The following POLR3B variants were observed in gnomAD, a reference collection of about 807,000 sequenced individuals.
POLR3B encodes the protein RNA polymerase III subunit B, also known as DNA-directed RNA polymerase III subunit RPC2.
In POLR3B, 96 loss-of-function variants were observed where a neutral mutation model predicts 147.4. That is an observed-to-expected ratio of 0.65 (90% confidence interval 0.55 to 0.77). POLR3B has a LOEUF of 0.77. Ranked by LOEUF, POLR3B falls within the 30% of genes least tolerant of loss-of-function variation. The pLI is 0.00. For synonymous variants in POLR3B, 461 were observed against 485.9 expected, an observed-to-expected ratio of 0.95 and a Z score of 0.67; for missense variants, 1,036 against 1,413.5, an observed-to-expected ratio of 0.73 and a Z score of 4.28.
At chr12:106,507,116 T>C (rs2038700450) in intron 27 of POLR3B, among the ~76,000 whole-genome samples, 1 of 152,084 alleles carries the variant, frequency 6.6e-6, no homozygotes, top group Non-Finnish European at 1.5e-5. Context: ...AAAGGAAGAC[T>C]TCAGGAAGAA....
Position 106,366,668 on chromosome 12 carries a change from T to A in POLR3B, c.173T>A (p.Ile58Lys). The change falls in exon 4 of 28, where the codon ATA (isoleucine) becomes AAA (lysine). Residue 58 changes from isoleucine (I) to lysine (K), a missense_variant. By Grantham distance (102) the Ile-to-Lys change is moderately radical (BLOSUM62 -3). This residue lies in a region of POLR3B where 150 missense variants were observed against 145.5 expected (regional missense o/e 1.03). Coordinates refer to ENST00000228347, the MANE Select transcript of POLR3B (RefSeq NM_018082.6). ...CATTTTCCACTGCAGATAAAGAAGA[T>A]AATGAAAGCCAATGAAAAGGTTACA... is the stretch of plus-strand genomic sequence containing the variant. ...NYFINVEIKK[I>K]MKANEKVTSD... The A allele has an allele frequency of 6.2e-7, 1 of 1,613,660 alleles. No homozygotes were observed. Among genetic ancestry groups the A allele is most frequent in the Non-Finnish European group, 8.5e-7 (1 of 1,179,582 alleles).
At chr12:106,360,223 A>T (rs550480540) in intron 1 of POLR3B, among the ~76,000 whole-genome samples, 1 of 152,222 alleles carries the variant, frequency 6.6e-6, no homozygotes, top group Non-Finnish European at 1.5e-5. Flanking sequence ...ACACACAAAC[A>T]TGGTTATGTT....
chr12:106,496,092 A>G lies in POLR3B; in HGVS notation c.2751A>G (p.Pro917=), dbSNP rs745477859. 3 of 1,613,166 alleles carry G rather than the reference A, an allele frequency of 1.9e-6. No homozygotes were observed. The South Asian group carries it at 3.3e-5, about 18-fold the overall frequency. ...TGATCGTCCCCCAGGAAGACATGCC[A>G]TTTTGTGATTCTGGCATCTGTCCGG... is the stretch of plus-strand genomic sequence containing the variant. ...CGLIVPQEDM[P]FCDSGICPDI... is the part of the protein sequence containing the mutation. The change falls in exon 24 of 28, where the codon CCA becomes CCG. Residue 917 remains proline, a synonymous_variant. Transcript: ENST00000228347.
chr12:106,432,578 A>G, intron 15 of POLR3B, 98 bp downstream of exon 15: 1 of 1,014,132 alleles, frequency 9.9e-7, no homozygotes, highest in Non-Finnish European at 1.6e-6. Context: ...ATAGACTTTA[A>G]TTCTGGGCCC....
chr12:106,462,278 C>G (rs911792502), intron 22 of POLR3B, among the ~76,000 whole-genome samples: 1 of 152,118 alleles, frequency 6.6e-6, no homozygotes, highest in Non-Finnish European at 1.5e-5. Context: ...GACGGAGTCT[C>G]GCTCTATTGC....
At chr12:106,365,684 C>A (rs527297160) in intron 2 of POLR3B, among the ~76,000 whole-genome samples, 1 of 152,018 alleles carries the variant, frequency 6.6e-6, no homozygotes, top group South Asian at 2.1e-4. Flanking sequence ...CATGGTGTAA[C>A]CCCGTTTCTA....
At position 106,457,311 on chromosome 12, in the gene POLR3B, A is replaced by G; in HGVS notation, c.2452+15A>G. The G allele has an allele frequency of 6.2e-7, 1 of 1,605,756 alleles. No individual in the cohort carries two copies. The highest frequency in any genetic ancestry group is 8.5e-7 in the Non-Finnish European group (1 of 1,172,722). Reference sequence around the variant, plus strand: ...TTGTTCTCCAGGTAAAAGCCTTTTAAAAGAAAAAATTTTAATACTTTTTGA... The same window carrying G: ...TTGTTCTCCAGGTAAAAGCCTTTTAGAAGAAAAAATTTTAATACTTTTTGA... On this transcript the variant is annotated intron_variant, in intron 21 of 27. Coordinates refer to ENST00000228347, the MANE Select transcript of POLR3B (RefSeq NM_018082.6).
intron 23 of POLR3B, among the ~76,000 whole-genome samples, chr12:106,467,310 A>G (rs1306155557): frequency 1.3e-5 from 2 of 152,242 alleles, no homozygotes; most frequent in Admixed American, 6.5e-5. Flanking sequence ...TTTGTATCCC[A>G]AGACTTTGCT....
chr12:106,404,734 A>G (rs2037125810), intron 10 of POLR3B, among the ~76,000 whole-genome samples: 1 of 152,070 alleles, frequency 6.6e-6, no homozygotes, highest in Non-Finnish European at 1.5e-5. Flanking sequence ...TTTAATTTTG[A>G]AAAAACTTAG....
At position 106,503,250 on chromosome 12, in the gene POLR3B, C is replaced by T. The variant is rs116510917; in HGVS notation, c.3099-831C>T. ...TCTTTGATTTCACATTGAAACTCAA[C>T]CACAACAATTTAAAAAAATCTTAAA... On this transcript the variant is annotated intron_variant, in intron 26 of 27. Transcript: ENST00000228347. Among the ~76,000 whole-genome samples, 1,041 of 152,278 alleles carry T rather than the reference C, an allele frequency of 6.8e-3. 18 individuals are homozygous for T. The highest frequency in any genetic ancestry group is 0.024 in the African/African-American group (1,001 of 41,542).
intron 12 of POLR3B, among the ~76,000 whole-genome samples, chr12:106,420,656 G>A (rs2037362994): frequency 6.6e-6 from 1 of 152,166 alleles, no homozygotes; most frequent in Admixed American, 6.5e-5. Flanking sequence ...GGGAAACAGA[G>A]CCACCTAGTC....
chr12:106,453,949 C>T (rs1420828225), intron 19 of POLR3B, among the ~76,000 whole-genome samples: 1 of 152,202 alleles, frequency 6.6e-6, no homozygotes, highest in Non-Finnish European at 1.5e-5. Context: ...CTGCTTAATA[C>T]ATGAATCATC....
In POLR3B at chr12:106,501,428, C is replaced by T. The variant is rs1213098238; in HGVS notation, c.3090C>T (p.Val1030=). 8 of 1,594,050 alleles carry T rather than the reference C, an allele frequency of 5.0e-6. No individual in the cohort carries two copies. In the South Asian group the frequency reaches 8.8e-5, roughly 18 times the overall value. ...CCCGGGCCCGGGGCCCACGAGCCGTCCTTACCAGGTAAGAGAAAAGTACTT... is the reference window on the plus strand; with the variant it reads ...CCCGGGCCCGGGGCCCACGAGCCGTTCTTACCAGGTAAGAGAAAAGTACTT... The part of the protein sequence containing the change: ...MHARARGPRA[V]LTRQPTEGRS... Residue 1030 remains valine (V), a synonymous_variant, in exon 26 of 28, where the codon GTC becomes GTT. Coordinates refer to ENST00000228347, the MANE Select transcript of POLR3B (RefSeq NM_018082.6).
intron 1 of POLR3B, among the ~76,000 whole-genome samples, chr12:106,359,460 T>C (rs1417416847): frequency 6.6e-6 from 1 of 151,412 alleles, no homozygotes; most frequent in Non-Finnish European, 1.5e-5. Flanking sequence ...GCCTCCCAAG[T>C]AGCTGGGATT....
chr12:106,432,006 A>G (rs1246328218), intron 14 of POLR3B, among the ~76,000 whole-genome samples: 1 of 152,176 alleles, frequency 6.6e-6, no homozygotes, highest in Non-Finnish European at 1.5e-5. Context: ...AATGTCTGGG[A>G]GTAATTGTTA....
chr12:106,491,954 C>T (rs1210497580), intron 23 of POLR3B, among the ~76,000 whole-genome samples: 2 of 152,008 alleles, frequency 1.3e-5, no homozygotes, highest in Non-Finnish European at 2.9e-5. Flanking sequence ...AAAATTAAAG[C>T]AGACTGTAAT....
intron 21 of POLR3B, 67 bp downstream of exon 21, chr12:106,457,363 T>C: frequency 1.4e-6 from 2 of 1,382,414 alleles, no homozygotes; most frequent in Non-Finnish European, 2.0e-6. Context: ...ATAATATTTC[T>C]GAATATTTGG....
intron 1 of POLR3B, among the ~76,000 whole-genome samples, chr12:106,359,091 A>G (rs1228997948): frequency 6.6e-6 from 1 of 152,070 alleles, no homozygotes; most frequent in Non-Finnish European, 1.5e-5. Context: ...GGTGGCGTGC[A>G]CTTGTCCCAG....
At chr12:106,369,740 G>A (rs779619843) in intron 6 of POLR3B, 57 bp downstream of exon 6, 380 of 1,093,924 alleles carry the variant, frequency 3.5e-4, no homozygotes, top group Non-Finnish European at 4.6e-4. Context: ...CCCATGATGT[G>A]ATCCCATTTC....
Sources: allele counts gnomAD v4.1 joint callset (sites outside exome capture counted in the v4.1 genomes callset), GRCh38; gene constraint gnomAD v4.1.1; regional missense constraint gnomAD v4.1.1; transcripts MANE v1.5; gene names NCBI Gene and HGNC (gene_info 2026-07-23, HGNC 2026-07-21).